The following MMRN1 variants were observed in gnomAD, a reference collection of about 807,000 sequenced individuals.
MMRN1 encodes multimerin 1.
MMRN1 carries 94 observed loss-of-function variants against 100.7 expected under a neutral mutation model. The ratio of observed to expected loss-of-function variants is 0.93; its 90% CI spans 0.79 to 1.11. The LOEUF (loss-of-function observed/expected upper bound fraction) is 1.11, where lower values mean the gene tolerates loss of function less well. MMRN1 is among the 50% of genes least tolerant of loss of function. The probability of loss-of-function intolerance (pLI) is 0.00; values close to 1 mark genes in which losing one functional copy is unlikely to be tolerated. For synonymous variants in MMRN1, 575 were observed against 505.0 expected, an observed-to-expected ratio of 1.14 and a Z score of -1.86; for missense variants, 1,606 against 1,439.1, an observed-to-expected ratio of 1.12 and a Z score of -1.88.
intron 6 of MMRN1, 61 bp downstream of exon 6, chr4:89,936,859 A>T: frequency 6.9e-7 from 1 of 1,449,474 alleles, no homozygotes; most frequent in Non-Finnish European, 9.2e-7. Context: ...TATTTAATAG[A>T]TCTGTACAGT....
intron 1 of MMRN1, among the ~76,000 whole-genome samples, chr4:89,898,883 G>A (rs1224523515): frequency 6.6e-6 from 1 of 151,976 alleles, no homozygotes; most frequent in Admixed American, 6.6e-5. Flanking sequence ...TAATGAATTT[G>A]TAGTATCTTT....
At chr4:89,951,811 T>C in intron 7 of MMRN1, 60 bp downstream of exon 7, 2 of 1,555,006 alleles carry the variant, frequency 1.3e-6, no homozygotes, top group Non-Finnish European at 1.8e-6. Context: ...AAACACGTTT[T>C]GAAAATATTT....
rs1442140 is a variant in MMRN1, at chr4:89,894,872, A to G, written c.-100A>G. 0.54 allele frequency: 801,695 copies of G among 1,493,210 alleles called. 218,771 individuals carry two copies. Among genetic ancestry groups the G allele is most frequent in the East Asian group, 0.79 (34,288 of 43,586 alleles). The allele number at this position is 1,493,210 out of a possible 1,614,324, so 92.5% of individuals were successfully genotyped here. On this transcript the variant is annotated 5_prime_UTR_variant, in exon 1 of 8. Transcript: ENST00000264790. ...CCTCTACACATCTCAAACTGGCAAA[A>G]CTCAGTCTTAGCAGATTCAGTGTGG... is the stretch of plus-strand genomic sequence containing the variant.
intron 4 of MMRN1, among the ~76,000 whole-genome samples, chr4:89,926,001 C>A (rs1205401359): frequency 6.6e-6 from 1 of 152,088 alleles, no homozygotes; most frequent in African/African-American, 2.4e-5. Context: ...TGTATATATA[C>A]CACATTTTCT....
At chr4:89,927,668 A>C in intron 4 of MMRN1, 127 bp from the exon 5 acceptor site, 1 of 746,646 alleles carries the variant, frequency 1.3e-6, no homozygotes, top group Non-Finnish European at 2.1e-6. Context: ...ATAGTGGTGA[A>C]AGTGAGCATC....
intron 6 of MMRN1, among the ~76,000 whole-genome samples, chr4:89,948,450 A>C (rs1189587942): frequency 6.6e-6 from 1 of 152,218 alleles, no homozygotes; most frequent in Non-Finnish European, 1.5e-5. Flanking sequence ...ATTATCAATA[A>C]TAATTGTAAA....
rs1356723567 is a variant in MMRN1, at chr4:89,951,678, C to T, written c.3192C>T (p.Thr1064=). 2 of 1,595,392 alleles carry T rather than the reference C, an allele frequency of 1.3e-6. No individual in the cohort carries two copies. The highest frequency in any genetic ancestry group is 1.1e-5 in the South Asian group (1 of 87,648). The part of the protein sequence containing the change: ...GTCINGRTSF[T]CACRHPFTGD... ...GCATAAATGGAAGAACTAGCTTTAC[C>T]TGTGCCTGCAGACATCCTTTTACTG... The change falls in exon 7 of 8, where the codon ACC becomes ACT. Residue 1064 remains threonine (T), a synonymous_variant. Coordinates refer to ENST00000264790, the MANE Select transcript of MMRN1 (RefSeq NM_007351.3).
At chr4:89,925,690 C>T (rs1336504123) in intron 4 of MMRN1, among the ~76,000 whole-genome samples, 4 of 151,828 alleles carry the variant, frequency 2.6e-5, no homozygotes, top group African/African-American at 7.3e-5. Flanking sequence ...ATTAGCCACA[C>T]GTGGTGGCAT....
rs760492108 is a variant in MMRN1, at chr4:89,927,840, A to AACTG, written c.1005_1008dup (p.Leu337AspfsTer8). The AACTG allele has an allele frequency of 1.2e-6, 2 of 1,612,692 alleles. No individual in the cohort carries two copies. Among genetic ancestry groups the AACTG allele is most frequent in the Non-Finnish European group, 1.7e-6 (2 of 1,179,316 alleles). On this transcript the variant is annotated frameshift_variant, in exon 5 of 8. Transcript: ENST00000264790. LOFTEE classifies it high-confidence loss of function. Reference sequence around the variant, plus strand: ...GATCAGGTGAACTACCAGGCAATGAAACTGACTCTTCTGCAGAAGAAGATT... The same window carrying AACTG: ...GATCAGGTGAACTACCAGGCAATGAAACTGACTGACTCTTCTGCAGAAGAAGATT...
At chr4:89,926,237 C>T (rs1722254475) in intron 4 of MMRN1, among the ~76,000 whole-genome samples, 1 of 152,168 alleles carries the variant, frequency 6.6e-6, no homozygotes, top group African/African-American at 2.4e-5. Flanking sequence ...AACTTACATT[C>T]CTACCAACAG....
At position 89,895,252 on chromosome 4, in the gene MMRN1, G is replaced by T. The variant is rs761682905; in HGVS notation, c.281G>T (p.Gly94Val). The T allele has an allele frequency of 6.2e-6, 10 of 1,613,722 alleles. No homozygotes were observed. In the East Asian group the frequency reaches 1.8e-4, roughly 29 times the overall value. The change falls in exon 1 of 8, where the codon GGT (glycine) becomes GTT (valine). Residue 94 changes from glycine (G) to valine (V), a missense_variant. Physicochemically the swap from Gly to Val is moderately radical, Grantham distance 109 (BLOSUM62 -3). Transcript: ENST00000264790. Reference protein sequence around the residue: ...PPSETSAPAEGVRNQTLTSTE... With the variant: ...PPSETSAPAEVVRNQTLTSTE... The stretch of plus-strand genomic sequence containing the variant: ...TCAGAAACAAGTGCACCTGCTGAGG[G>T]TGTGAGAAATCAAACTCTCACATCC...
At chr4:89,885,765 T>C (rs1004428292) in intron 1 of MMRN1, among the ~76,000 whole-genome samples, 1 of 152,088 alleles carries the variant, frequency 6.6e-6, no homozygotes, top group Admixed American at 6.6e-5. Flanking sequence ...ACAGTTACTA[T>C]CTCTTCTCGC....
At chr4:89,897,061 T>C (rs566004332) in intron 1 of MMRN1, among the ~76,000 whole-genome samples, 7 of 152,328 alleles carry the variant, frequency 4.6e-5, no homozygotes, top group African/African-American at 1.4e-4. Flanking sequence ...ATGTCATTTA[T>C]TGACAGCTTT....
Position 89,936,593 on chromosome 4 carries a change from T to C in MMRN1, c.2913T>C (p.Ile971=). The C allele has an allele frequency of 1.9e-6, 3 of 1,611,748 alleles. 1 individual carries two copies. In the South Asian group the frequency reaches 3.3e-5, roughly 18 times the overall value. ...KGLTEFVEPI[I]QIKTQAALSN... ...TAACAGAATTTGTGGAACCAATAAT[T>C]CAAATAAAAACTCAAGCTGCCCTAT... Residue 971 remains isoleucine (I), a synonymous_variant, in exon 6 of 8, where the codon ATT becomes ATC. Coordinates refer to ENST00000264790, the MANE Select transcript of MMRN1 (RefSeq NM_007351.3).
chr4:89,918,036 T>C (rs1016668573), intron 3 of MMRN1, among the ~76,000 whole-genome samples: 1 of 151,704 alleles, frequency 6.6e-6, no homozygotes, highest in African/African-American at 2.4e-5. Context: ...ATTTATTGCA[T>C]TTTTTTAGTT....
chr4:89,941,789 T>C (rs1722838074), intron 6 of MMRN1, among the ~76,000 whole-genome samples: 1 of 152,168 alleles, frequency 6.6e-6, no homozygotes, highest in South Asian at 2.1e-4. Flanking sequence ...AAAGATATTC[T>C]TCATGTCAGA....
chr4:89,939,058 G>T (rs1246920395), intron 6 of MMRN1, among the ~76,000 whole-genome samples: 2 of 152,178 alleles, frequency 1.3e-5, no homozygotes, highest in East Asian at 3.9e-4. Context: ...CAGCAGGCAA[G>T]GTCTATGAAA....
intron 3 of MMRN1, among the ~76,000 whole-genome samples, chr4:89,913,613 A>G (rs1160556664): frequency 6.6e-6 from 1 of 151,338 alleles, no homozygotes; most frequent in African/African-American, 2.4e-5. Flanking sequence ...TTTTCAAAGT[A>G]TGATATGAAA....
chr4:89,949,721 C>A (rs989491122), intron 6 of MMRN1, among the ~76,000 whole-genome samples: 1 of 152,142 alleles, frequency 6.6e-6, no homozygotes, highest in African/African-American at 2.4e-5. Flanking sequence ...CAAGATAATT[C>A]TGATTAATTT....
Sources: gnomAD v4.1 joint callset for allele counts (sites outside exome capture counted in the v4.1 genomes callset) on GRCh38, gnomAD v4.1.1 for gene constraint, MANE v1.5 for transcripts, NCBI Gene and HGNC (gene_info 2026-07-23, HGNC 2026-07-21) for gene names.